HNRNPLL: variants seen among roughly 807,000 people sequenced by gnomAD.
HNRNPLL encodes the protein heterogeneous nuclear ribonucleoprotein L like.
Under a neutral mutation model 67.1 loss-of-function variants are expected in HNRNPLL, and 25 were observed. The ratio of observed to expected loss-of-function variants is 0.37; its 90% CI spans 0.27 to 0.52. The LOEUF (loss-of-function observed/expected upper bound fraction) is 0.52. Ranked by LOEUF, HNRNPLL falls within the 20% of genes least tolerant of loss-of-function variation. HNRNPLL has a pLI of 0.90. For synonymous variants in HNRNPLL, 267 were observed against 241.7 expected, an observed-to-expected ratio of 1.10 and a Z score of -0.97; for missense variants, 542 against 673.9, an observed-to-expected ratio of 0.80 and a Z score of 2.17.
At chr2:38,582,889 A>C (rs1558538181) in intron 4 of HNRNPLL, among the ~76,000 whole-genome samples, 1 of 151,996 alleles carries the variant, frequency 6.6e-6, no homozygotes, top group Admixed American at 6.6e-5. Context: ...AAAAAAAAAA[A>C]ATCAAGGGTA....
chr2:38,565,314 A>C (rs1665815038), intron 12 of HNRNPLL, among the ~76,000 whole-genome samples: 1 of 152,226 alleles, frequency 6.6e-6, no homozygotes, highest in Non-Finnish European at 1.5e-5. Flanking sequence ...ACTGTCTCTA[A>C]GGTATTTCAT....
rs1464117797 is a variant in HNRNPLL at position 38,563,435 on chromosome 2, TC to T, written c.*746del. On this transcript the variant is annotated 3_prime_UTR_variant, in exon 13 of 13. Coordinates refer to ENST00000449105, the MANE Select transcript of HNRNPLL (RefSeq NM_138394.4). ...ATAAGAGGAACTGTTAATTATAACC[TC>T]TATTAAAATCTCAATGCCAAATACT... 4 of 152,088 alleles carry T rather than the reference TC, an allele frequency of 2.6e-5. No individual in the cohort carries two copies. Among genetic ancestry groups the T allele is most frequent in the African/African-American group, 9.7e-5 (4 of 41,450 alleles). The allele number at this position is 152,088 out of a possible 1,614,324, so 9.4% of individuals were successfully genotyped here.
chr2:38,585,388 T>C (rs576077275), intron 3 of HNRNPLL, among the ~76,000 whole-genome samples: 2 of 152,344 alleles, frequency 1.3e-5, no homozygotes, highest in African/African-American at 4.8e-5. Flanking sequence ...AATTCCTTAT[T>C]ATCAAAAACA....
In HNRNPLL at chr2:38,585,786, G is replaced by C. The variant is rs760256086; in HGVS notation, c.404C>G (p.Pro135Arg). The change falls in exon 3 of 13, where the codon CCC (proline) becomes CGC (arginine). Residue 135 changes from proline to arginine, a missense_variant. Around this residue, in one of 2 missense-constraint regions of HNRNPLL, gnomAD observed 415 missense variants for 575.2 expected, o/e 0.72. Transcript: ENST00000449105. ...KECVTFAADE[P>R]VYIAGQQAFF... is the part of the protein sequence containing the mutation. ...AGCCTGTTGACCAGCAATGTACACG[G>C]GTTCATCTGCAGCAAATGTCACACA... The C allele has an allele frequency of 2.2e-5, 35 of 1,613,392 alleles. 2 individuals carry two copies. The South Asian group carries it at 3.5e-4, about 16-fold the overall frequency.
chr2:38,579,172 A>T (rs879796143), intron 6 of HNRNPLL, among the ~76,000 whole-genome samples: 1 of 152,160 alleles, frequency 6.6e-6, no homozygotes, highest in Non-Finnish European at 1.5e-5. Context: ...CTGGGTTGGG[A>T]ATCAGACGAT....
chr2:38,565,670 A>G lies in HNRNPLL; in HGVS notation c.1574-1433T>C, dbSNP rs1665829170. 2.1e-5 allele frequency among the ~76,000 whole-genome samples: 3 copies of G among 141,052 alleles called. No individual in the cohort carries two copies. The South Asian group carries it at 6.8e-4, about 32-fold the overall frequency. The allele number at this position is 141,052 out of a possible 152,430, so 92.5% of individuals were successfully genotyped here. ...TTGAGCTCAGGAAAGTCGAGGCTGC[A>G]GTGGGCTGTGATTGCACCACTGCAT... On this transcript the variant is annotated intron_variant, in intron 12 of 12. Transcript: ENST00000449105.
At chr2:38,600,524 A>G (rs1667385877) in intron 1 of HNRNPLL, among the ~76,000 whole-genome samples, 1 of 152,118 alleles carries the variant, frequency 6.6e-6, no homozygotes, top group African/African-American at 2.4e-5. Context: ...CCCAGGAGTT[A>G]AGAGACTAGC....
chr2:38,578,541 T>A (rs533894289), intron 6 of HNRNPLL, among the ~76,000 whole-genome samples: 42 of 152,174 alleles, frequency 2.8e-4, no homozygotes, highest in African/African-American at 1.0e-3. Context: ...TTATGGGAGA[T>A]GAGAAATACT....
chr2:38,590,522 A>T (rs1666917002), intron 2 of HNRNPLL, among the ~76,000 whole-genome samples: 2 of 152,230 alleles, frequency 1.3e-5, no homozygotes, highest in African/African-American at 4.8e-5. Flanking sequence ...CTATACTAAG[A>T]AAAGAACAAC....
intron 1 of HNRNPLL, among the ~76,000 whole-genome samples, chr2:38,597,488 T>C (rs1401656756): frequency 1.3e-5 from 2 of 152,216 alleles, no homozygotes; most frequent in South Asian, 2.1e-4. Flanking sequence ...GCTGTAAATA[T>C]CATTTTAACC....
At chr2:38,595,291 A>AG in intron 1 of HNRNPLL, among the ~76,000 whole-genome samples, 1 of 148,262 alleles carries the variant, frequency 6.7e-6, no homozygotes, top group East Asian at 2.0e-4. Flanking sequence ...AAAAAAAAAA[A>AG]AAAAAAGAAA....
chr2:38,596,370 T>C (rs751073496), intron 1 of HNRNPLL, among the ~76,000 whole-genome samples: 55 of 152,220 alleles, frequency 3.6e-4, no homozygotes, highest in South Asian at 1.4e-3. Flanking sequence ...GCAGTTCTCC[T>C]GCCTCAGCCT....
rs1250812933 is a variant in HNRNPLL at position 38,569,824 on chromosome 2, A to G, written c.1194T>C (p.Phe398=). Residue 398 remains phenylalanine (F), a synonymous_variant, in exon 9 of 13, where the codon TTT becomes TTC. Transcript: ENST00000449105. ...ATTACCAAACATTAAGTCTTTTCCCAAATAATTTGACATTATTAAGGTGTG... is the reference window on the plus strand; with the variant it reads ...ATTACCAAACATTAAGTCTTTTCCCGAATAATTTGACATTATTAAGGTGTG... The part of the protein sequence containing the change: ...AVTHLNNVKL[F]GKRLNVCVSK... 2.9e-5 allele frequency: 42 copies of G among 1,447,466 alleles called. No individual in the cohort carries two copies. Among genetic ancestry groups the G allele is most frequent in the Non-Finnish European group, 3.9e-5 (41 of 1,045,178 alleles). The allele number at this position is 1,447,466 out of a possible 1,614,324, so 89.7% of individuals were successfully genotyped here. A position where few individuals can be genotyped will look rare whatever the true frequency, so the allele number is the denominator to read the frequency against.
intron 8 of HNRNPLL, 148 bp from the exon 9 acceptor site, chr2:38,570,073 C>T (rs1666009309): frequency 3.4e-6 from 2 of 593,796 alleles, no homozygotes; most frequent in Admixed American, 6.1e-5. Flanking sequence ...ATGAGATACC[C>T]TTAACTCTTA....
chr2:38,602,470 C>T lies in HNRNPLL; in HGVS notation c.157G>A (p.Gly53Ser). 1 of 1,540,640 alleles carries T rather than the reference C, an allele frequency of 6.5e-7. No individual in the cohort carries two copies. Among genetic ancestry groups the T allele is most frequent in the Non-Finnish European group, 8.7e-7 (1 of 1,147,354 alleles). Residue 53 changes from glycine (G) to serine (S), a missense_variant, in exon 1 of 13, where the codon GGC becomes AGC. Gly to Ser is a moderately conservative substitution (Grantham distance 56). Around this residue, in one of 2 missense-constraint regions of HNRNPLL, gnomAD observed 127 missense variants for 98.7 expected, o/e 1.29. Transcript: ENST00000449105. ...GAGAAGCTCCGGCCGCCGCCGCCGC[C>T]ATCGCCCCCGCCCCGGGGCGTCGCT... ...REATPRGGGD[G>S]GGGGRSFSQP...
Position 38,573,228 on chromosome 2 carries a change from T to C in HNRNPLL, c.1074A>G (p.Leu358=). 1.3e-6 allele frequency: 2 copies of C among 1,595,242 alleles called. No individual in the cohort carries two copies. Among genetic ancestry groups the C allele is most frequent in the Non-Finnish European group, 1.7e-6 (2 of 1,173,276 alleles). The change falls in exon 8 of 13, where the codon TTA becomes TTG. Residue 358 remains leucine (L), a synonymous_variant. Transcript: ENST00000449105. ...AACTTACCTTCTCAATATTTCCATA[T>C]AAGCAGAACAGGTTGAAGACTCTTG... ...NCSRVFNLFC[L]YGNIEKVKFM...
chr2:38,586,421 T>G (rs1040210560), intron 2 of HNRNPLL, among the ~76,000 whole-genome samples: 2 of 152,168 alleles, frequency 1.3e-5, no homozygotes, highest in Non-Finnish European at 2.9e-5. Flanking sequence ...CAAAAACAAT[T>G]ATCTGTTATT....
chr2:38,597,733 G>C (rs1165800159), intron 1 of HNRNPLL, among the ~76,000 whole-genome samples: 1 of 150,868 alleles, frequency 6.6e-6, no homozygotes, highest in Non-Finnish European at 1.5e-5. Flanking sequence ...CTGTCGCCCA[G>C]GCTGGAGTGC....
chr2:38,565,872 G>T, intron 12 of HNRNPLL: 1 of 238,380 alleles, frequency 4.2e-6, no homozygotes. Flanking sequence ...ATATTTGTCA[G>T]TCTTACTTTA....
Sources: gnomAD v4.1 joint callset for allele counts (sites outside exome capture counted in the v4.1 genomes callset) on GRCh38, gnomAD v4.1.1 for gene constraint, gnomAD v4.1.1 regional missense constraint, MANE v1.5 for transcripts, NCBI Gene and HGNC (gene_info 2026-07-23, HGNC 2026-07-21) for gene names.